The following MEI4 variants were observed in gnomAD, a reference collection of about 807,000 sequenced individuals.
MEI4 encodes the protein meiosis-specific protein MEI4.
Under a neutral mutation model 31.4 loss-of-function variants are expected in MEI4, and 27 were observed. The observed-to-expected ratio is 0.86, with a 90% CI of 0.63 to 1.19. The LOEUF (loss-of-function observed/expected upper bound fraction) is 1.19, where lower values mean the gene tolerates loss of function less well. Among genes scored for constraint, MEI4 ranks in the 50% most tolerant of loss-of-function variants. MEI4 has a pLI of 0.00. For synonymous variants in MEI4, 122 were observed against 145.4 expected (o/e 0.84, Z 1.16); for missense variants, 329 against 398.9 (o/e 0.82, Z 1.49).
intron 4 of MEI4, among the ~76,000 whole-genome samples, chr6:77,898,313 A>G (rs1460823685): frequency 3.9e-5 from 6 of 152,056 alleles, no homozygotes; most frequent in Admixed American, 1.3e-4. Flanking sequence ...AAGTCAGGGT[A>G]AGTTTCCTAC....
intron 2 of MEI4, among the ~76,000 whole-genome samples, chr6:77,737,846 G>A (rs540631776): frequency 1.3e-5 from 2 of 152,300 alleles, no homozygotes; most frequent in African/African-American, 4.8e-5. Context: ...CTGGAGGGTA[G>A]TAGCAGTACT....
Position 77,736,406 on chromosome 6 carries a change from A to G in MEI4, c.233-24724A>G, listed in dbSNP as rs559984999. On this transcript the variant is annotated intron_variant, in intron 2 of 4. Coordinates refer to ENST00000684080, the MANE Select transcript of MEI4 (RefSeq NM_001322247.2). ...GGAGTGACCCGATTTTCCAGGTGCC[A>G]TCTGTCACCCCTTTCTTTGACTAGG... Among the ~76,000 whole-genome samples the G allele has an allele frequency of 1.5e-3, 222 of 151,936 alleles. 3 individuals carry two copies. The highest frequency in any genetic ancestry group is 4.5e-3 in the African/African-American group (187 of 41,360).
chr6:77,655,726 A>G (rs1433380287), intron 1 of MEI4, among the ~76,000 whole-genome samples: 3 of 152,176 alleles, frequency 2.0e-5, no homozygotes, highest in Non-Finnish European at 4.4e-5. Flanking sequence ...TATTTAAAGT[A>G]ATTTGTTGAA....
chr6:77,805,147 G>C (rs1465638672), intron 3 of MEI4, among the ~76,000 whole-genome samples: 2 of 152,012 alleles, frequency 1.3e-5, no homozygotes, highest in Admixed American at 1.3e-4. Flanking sequence ...CTTTGGGTTG[G>C]AAAGGTAAAT....
intron 2 of MEI4, among the ~76,000 whole-genome samples, chr6:77,740,581 G>T (rs928791810): frequency 6.6e-6 from 1 of 151,994 alleles, no homozygotes. Flanking sequence ...AGCATTTCCT[G>T]TTTGACCACC....
At chr6:77,755,669 G>A (rs984545107) in intron 2 of MEI4, among the ~76,000 whole-genome samples, 16 of 151,982 alleles carry the variant, frequency 1.1e-4, no homozygotes, top group African/African-American at 3.6e-4. Flanking sequence ...TGCCCACCTC[G>A]GACTCCCATG....
At chr6:77,897,738 G>C (rs910654289) in intron 4 of MEI4, among the ~76,000 whole-genome samples, 2 of 151,804 alleles carry the variant, frequency 1.3e-5, no homozygotes, top group Non-Finnish European at 2.9e-5. Flanking sequence ...AAAGCAAAAT[G>C]GATTAATACT....
intron 1 of MEI4, among the ~76,000 whole-genome samples, chr6:77,674,839 A>G (rs931984695): frequency 5.3e-5 from 8 of 152,154 alleles, no homozygotes; most frequent in Admixed American, 1.3e-4. Flanking sequence ...TGCTTGGGAT[A>G]TACCACTCTA....
At position 77,820,051 on chromosome 6, in the gene MEI4, T is replaced by G. The variant is rs907157958; in HGVS notation, c.769-8880T>G. 1.3e-5 allele frequency among the ~76,000 whole-genome samples: 2 copies of G among 152,172 alleles called. No homozygotes were observed. The highest frequency in any genetic ancestry group is 4.8e-5 in the African/African-American group (2 of 41,458). The stretch of plus-strand genomic sequence containing the variant: ...AGCTTTCTGAGGACCTAAATCTTAT[T>G]TTTTTCTGAATGGTTTTCCTTCTAT... On this transcript the variant is annotated intron_variant, in intron 3 of 4. Transcript: ENST00000684080. This position sits in a 1 kb window ranked among gnomAD's most constrained non-coding sequence, Gnocchi z 4.5.
In MEI4 at chr6:77,761,612, G is replaced by C; in HGVS notation, c.715G>C (p.Glu239Gln). The C allele has an allele frequency of 8.1e-7, 1 of 1,231,840 alleles. No homozygotes were observed. Among genetic ancestry groups the C allele is most frequent in the Non-Finnish European group, 1.0e-6 (1 of 987,798 alleles). The allele number at this position is 1,231,840 out of a possible 1,614,324, so 76.3% of individuals were successfully genotyped here. Residue 239 changes from glutamate to glutamine, a missense_variant, in exon 3 of 5, where the codon GAA (glutamate) becomes CAA (glutamine). Transcript: ENST00000684080. ...ILKKCSKKLE[E>Q]FEKTLLHAIL... Reference sequence around the variant, plus strand: ...TAAAAAGTGTTCCAAGAAGTTGGAAGAATTTGAGAAAACCCTACTACATGC... The same window carrying C: ...TAAAAAGTGTTCCAAGAAGTTGGAACAATTTGAGAAAACCCTACTACATGC...
chr6:77,883,197 G>T (rs994589062), intron 4 of MEI4, among the ~76,000 whole-genome samples: 1 of 151,934 alleles, frequency 6.6e-6, no homozygotes, highest in Non-Finnish European at 1.5e-5. Flanking sequence ...ATACATAATT[G>T]TACATATTTA....
intron 4 of MEI4, among the ~76,000 whole-genome samples, chr6:77,904,570 T>C (rs1371241085): frequency 6.6e-6 from 1 of 152,138 alleles, no homozygotes; most frequent in African/African-American, 2.4e-5. Flanking sequence ...GATTTGGTTT[T>C]CTGTTTCTAT....
chr6:77,788,808 C>T (rs1273928218), intron 3 of MEI4, among the ~76,000 whole-genome samples: 6 of 152,102 alleles, frequency 3.9e-5, no homozygotes, highest in East Asian at 3.9e-4. Context: ...GAATCAATAT[C>T]GTGAAAATGG....
intron 4 of MEI4, among the ~76,000 whole-genome samples, chr6:77,834,424 A>G (rs958502346): frequency 2.7e-5 from 4 of 147,866 alleles, no homozygotes; most frequent in African/African-American, 7.3e-5. Context: ...ATATATTTAT[A>G]GATTATATGT....
At chr6:77,706,784 T>A (rs1766341990) in intron 2 of MEI4, among the ~76,000 whole-genome samples, 1 of 152,166 alleles carries the variant, frequency 6.6e-6, no homozygotes, top group South Asian at 2.1e-4. Flanking sequence ...TCTTGCTTCC[T>A]GACTCACCAT....
chr6:77,672,920 C>T (rs566197173), intron 1 of MEI4, among the ~76,000 whole-genome samples: 1 of 152,288 alleles, frequency 6.6e-6, no homozygotes, highest in Admixed American at 6.5e-5. Context: ...TATGATTTTA[C>T]AAATATATTG....
chr6:77,777,708 C>T (rs1437616842), intron 3 of MEI4, among the ~76,000 whole-genome samples: 1 of 152,098 alleles, frequency 6.6e-6, no homozygotes, highest in Non-Finnish European at 1.5e-5. Context: ...TAGCAGATAT[C>T]TAAGGAAATA....
At chr6:77,738,805 T>A (rs986530959) in intron 2 of MEI4, among the ~76,000 whole-genome samples, 1 of 152,218 alleles carries the variant, frequency 6.6e-6, no homozygotes, top group Non-Finnish European at 1.5e-5. Context: ...AGATGGTAGC[T>A]CATTGTGGTT....
intron 3 of MEI4, among the ~76,000 whole-genome samples, chr6:77,817,973 G>T (rs1769726495): frequency 1.3e-5 from 2 of 152,186 alleles, no homozygotes; most frequent in South Asian, 4.1e-4. Context: ...AACTTGAGCT[G>T]CATCGCTCAT....
Sources: allele counts gnomAD v4.1 joint callset (sites outside exome capture counted in the v4.1 genomes callset), GRCh38; gene constraint gnomAD v4.1.1; non-coding constraint Gnocchi (gnomAD v3.1); transcripts MANE v1.5; gene names NCBI Gene and HGNC (gene_info 2026-07-23, HGNC 2026-07-21).